CAST: variants seen among roughly 807,000 people sequenced by gnomAD.
The protein encoded by CAST is MIR583 host.
CAST carries 76 observed loss-of-function variants against 119.6 expected under a neutral mutation model. The ratio of observed to expected loss-of-function variants is 0.64; its 90% CI spans 0.53 to 0.77. The LOEUF is 0.77. CAST is among the 30% of genes least tolerant of loss of function. The pLI is 0.00. For synonymous variants in CAST, 319 were observed against 331.6 expected (o/e 0.96, Z 0.41); for missense variants, 953 against 946.5 (o/e 1.01, Z -0.09).
intron 25 of CAST, among the ~76,000 whole-genome samples, chr5:96,763,600 GT>G (rs1305489445): frequency 1.8e-4 from 28 of 152,258 alleles, no homozygotes; most frequent in Admixed American, 1.4e-3. Flanking sequence ...AGAGAGGCTT[GT>G]TTTTAGTTAA....
chr5:96,692,468 G>A (rs1752837411), intron 2 of CAST, among the ~76,000 whole-genome samples: 1 of 152,110 alleles, frequency 6.6e-6, no homozygotes, highest in Non-Finnish European at 1.5e-5. Context: ...ATAAATATTT[G>A]ATCCTGCATT....
At chr5:96,546,313 G>A (rs6877870) in intron 1 of CAST, 89,367 of 151,870 alleles carry the variant, frequency 0.59, 26,972 homozygotes, top group East Asian at 0.86. Flanking sequence ...AAGGTTCTGA[G>A]TCACCTGCTC....
intron 1 of CAST, among the ~76,000 whole-genome samples, chr5:96,649,052 T>C (rs1375543364): frequency 6.6e-6 from 1 of 152,194 alleles, no homozygotes; most frequent in East Asian, 1.9e-4. Context: ...AAGACATGTC[T>C]TTTTAAAAAT....
the CAST span, among the ~76,000 whole-genome samples, chr5:96,415,773 G>A: frequency 2.7e-5 from 4 of 149,828 alleles, no homozygotes; most frequent in African/African-American, 1.0e-4. Context: ...GAGAAAATTA[G>A]ATTTGGTTCA....
chr5:96,385,326 T>TA, the CAST span, among the ~76,000 whole-genome samples: 25 of 152,324 alleles, frequency 1.6e-4, no homozygotes, highest in African/African-American at 5.1e-4. Flanking sequence ...ATAAACTCTC[T>TA]AGGTGTTCCT....
rs1256464906 is a variant in CAST, at chr5:96,737,980, C to G, written c.798+33C>G. ...ATCATGATATCTGTAAAAATTCATA[C>G]TCAGTGGGTAGGAGAGCAAATAAGG... On this transcript the variant is annotated intron_variant, in intron 11 of 31. Coordinates refer to ENST00000675179, the MANE Select transcript of CAST (RefSeq NM_001750.7). 5 of 1,245,100 alleles carry G rather than the reference C, an allele frequency of 4.0e-6. No individual in the cohort carries two copies. The African/African-American group carries it at 5.9e-5, about 15-fold the overall frequency. The allele number at this position is 1,245,100 out of a possible 1,614,324, so 77.1% of individuals were successfully genotyped here.
chr5:96,139,541 T>C, the CAST span, among the ~76,000 whole-genome samples: 4 of 90,310 alleles, frequency 4.4e-5, no homozygotes, highest in African/African-American at 2.1e-4. Context: ...CATATATATA[T>C]GTATATGTAT....
intron 18 of CAST, 68 bp from the exon 19 acceptor site, chr5:96,748,450 A>T: frequency 1.3e-6 from 1 of 763,768 alleles, no homozygotes; most frequent in Non-Finnish European, 2.1e-6. Flanking sequence ...AAATTGCTCC[A>T]TGAAAACTTT....
At chr5:96,581,459 T>A (rs770069463) in intron 1 of CAST, among the ~76,000 whole-genome samples, 1 of 152,226 alleles carries the variant, frequency 6.6e-6, no homozygotes, top group Non-Finnish European at 1.5e-5. Flanking sequence ...AAAAGTCATA[T>A]AGCATTATCT....
the CAST span, chr5:96,393,401 C>T: frequency 1.2e-6 from 2 of 1,612,932 alleles, no homozygotes; most frequent in Admixed American, 3.3e-5. Context: ...ATGCCATCCA[C>T]AAAGGGAAGA....
chr5:96,230,090 A>G, the CAST span, among the ~76,000 whole-genome samples: 1 of 151,990 alleles, frequency 6.6e-6, no homozygotes, highest in Non-Finnish European at 1.5e-5. Flanking sequence ...TCATGGTGAC[A>G]AGTGACCAAG....
intron 3 of CAST, among the ~76,000 whole-genome samples, chr5:96,722,216 C>T (rs551909995): frequency 1.2e-4 from 19 of 152,250 alleles, no homozygotes; most frequent in African/African-American, 4.3e-4. Context: ...ACTGACAGAG[C>T]TGGGGCTTGA....
chr5:96,363,765 A>G, the CAST span, among the ~76,000 whole-genome samples: 2 of 152,328 alleles, frequency 1.3e-5, no homozygotes, highest in Non-Finnish European at 2.9e-5. Flanking sequence ...TAAATATACA[A>G]TCATGTCATT....
chr5:96,550,413 A>G (rs1360618332), intron 1 of CAST, among the ~76,000 whole-genome samples: 1 of 152,230 alleles, frequency 6.6e-6, no homozygotes, highest in Non-Finnish European at 1.5e-5. Context: ...TATGTAGGTC[A>G]CCAACATCAA....
intron 1 of CAST, among the ~76,000 whole-genome samples, chr5:96,651,752 T>C (rs1748097227): frequency 3.3e-5 from 5 of 152,228 alleles, no homozygotes; most frequent in Admixed American, 2.6e-4. Flanking sequence ...CTCCATTCTG[T>C]AAAATTTGGT....
At chr5:96,715,935 C>T (rs1381597069) in intron 3 of CAST, among the ~76,000 whole-genome samples, 1 of 152,192 alleles carries the variant, frequency 6.6e-6, no homozygotes, top group Non-Finnish European at 1.5e-5. Flanking sequence ...CATTGTTTAT[C>T]TTTCATCAGA....
the CAST span, among the ~76,000 whole-genome samples, chr5:96,405,141 C>A: frequency 6.6e-6 from 1 of 152,110 alleles, no homozygotes; most frequent in Non-Finnish European, 1.5e-5. Context: ...ATCTTAATAA[C>A]CTCTATGTAC....
chr5:96,290,953 A>T, the CAST span, among the ~76,000 whole-genome samples: 1 of 152,304 alleles, frequency 6.6e-6, no homozygotes, highest in East Asian at 1.9e-4. Context: ...AGAAAATGTG[A>T]CTTCCACCTT....
the CAST span, among the ~76,000 whole-genome samples, chr5:96,492,926 G>A: frequency 6.6e-6 from 1 of 152,166 alleles, no homozygotes; most frequent in Non-Finnish European, 1.5e-5. Flanking sequence ...CAAAATAACA[G>A]GACGATTGAC....
Sources: gnomAD v4.1 joint callset for allele counts (sites outside exome capture counted in the v4.1 genomes callset) on GRCh38, gnomAD v4.1.1 for gene constraint, MANE v1.5 for transcripts, NCBI Gene and HGNC (gene_info 2026-07-23, HGNC 2026-07-21) for gene names.